The following TULP4 variants were observed in gnomAD, a reference collection of about 807,000 sequenced individuals.
TULP4 encodes the protein TUB like protein 4.
In TULP4, 16 loss-of-function variants were observed where a neutral mutation model predicts 129.0. The ratio of observed to expected loss-of-function variants is 0.12; its 90% CI spans 0.08 to 0.19. The LOEUF is 0.19. Ranked by LOEUF, TULP4 falls within the 10% of genes least tolerant of loss-of-function variation. TULP4 has a pLI of 1.00. For synonymous variants in TULP4, 998 were observed against 854.0 expected, an observed-to-expected ratio of 1.17 and a Z score of -2.94; for missense variants, 1,842 against 2,059.1, an observed-to-expected ratio of 0.89 and a Z score of 2.04.
chr6:158,358,677 T>C (rs1780701588), intron 1 of TULP4, among the ~76,000 whole-genome samples: 1 of 152,228 alleles, frequency 6.6e-6, no homozygotes, highest in African/African-American at 2.4e-5. Flanking sequence ...GAGCTCTTAC[T>C]TGAGGGCCAG....
upstream of TULP4, among the ~76,000 whole-genome samples, chr6:158,281,411 C>T (rs1383748800): frequency 6.6e-6 from 1 of 152,150 alleles, no homozygotes; most frequent in East Asian, 1.9e-4. Flanking sequence ...GATGGGGTTT[C>T]ACTATGTTGG....
chr6:158,318,159 A>G (rs533723705), intron 1 of TULP4, among the ~76,000 whole-genome samples: 116 of 152,102 alleles, frequency 7.6e-4, no homozygotes, highest in African/African-American at 2.5e-3. Context: ...TGTTCCTCAT[A>G]TTAGAATCTG....
chr6:158,295,093 A>G (rs1020729275), intron 1 of TULP4, among the ~76,000 whole-genome samples: 1 of 151,862 alleles, frequency 6.6e-6, no homozygotes, highest in East Asian at 1.9e-4. Context: ...TTTATTGAAA[A>G]TTTTCTACTG....
intron 1 of TULP4, among the ~76,000 whole-genome samples, chr6:158,401,209 G>T (rs1379402058): frequency 1.3e-5 from 2 of 152,126 alleles, no homozygotes; most frequent in Admixed American, 6.5e-5. Flanking sequence ...AAGTAGCTGG[G>T]ATTACAGGCA....
Position 158,413,042 on chromosome 6 carries a change from A to G in TULP4, c.253-23A>G. 2.5e-6 allele frequency: 4 copies of G among 1,596,084 alleles called. No individual in the cohort carries two copies. The highest frequency in any genetic ancestry group is 2.6e-6 in the Non-Finnish European group (3 of 1,169,000). On this transcript the variant is annotated intron_variant, in intron 1 of 13. Coordinates refer to ENST00000367097, the MANE Select transcript of TULP4 (RefSeq NM_020245.5). This position sits in a 1 kb window ranked among gnomAD's most constrained non-coding sequence, Gnocchi z 4.9. ...CCCACAGATTTATTTCCTGTGGTAA[A>G]TGTCTTCTTGGTGGTTTTCTAGGTT...
At chr6:158,304,092 GTATAATATT>G (rs2128477661) in intron 1 of TULP4, among the ~76,000 whole-genome samples, 1 of 152,236 alleles carries the variant, frequency 6.6e-6, no homozygotes, top group East Asian at 1.9e-4. Flanking sequence ...GGGGCCTTGT[GTATAATATT>G]AATAATATTA....
chr6:158,493,839 A>C lies in TULP4; in HGVS notation c.1776+122A>C. On this transcript the variant is annotated intron_variant, in intron 10 of 13. Coordinates refer to ENST00000367097, the MANE Select transcript of TULP4 (RefSeq NM_020245.5). The surrounding 1 kb of genome is among the most constrained non-coding windows in gnomAD (Gnocchi z 4.4). ...CATGGGTCCCTGAGCTCTGCTCCAC[A>C]TCCTGCACACCACCTACTACCTCAG... The C allele has an allele frequency of 9.0e-7, 1 of 1,115,270 alleles. No individual in the cohort carries two copies. Among genetic ancestry groups the C allele is most frequent in the Non-Finnish European group, 1.2e-6 (1 of 820,844 alleles). The allele number at this position is 1,115,270 out of a possible 1,614,324, so 69.1% of individuals were successfully genotyped here.
chr6:158,490,365 G>A (rs1235404319), intron 9 of TULP4, among the ~76,000 whole-genome samples: 1 of 152,194 alleles, frequency 6.6e-6, no homozygotes, highest in Admixed American at 6.5e-5. Flanking sequence ...CTGCACTTCA[G>A]CCTGGCAATA....
intron 1 of TULP4, among the ~76,000 whole-genome samples, chr6:158,359,255 A>G (rs1780712863): frequency 6.6e-6 from 1 of 152,166 alleles, no homozygotes; most frequent in Admixed American, 6.5e-5. Flanking sequence ...AGGAAAAAAA[A>G]ATCGTTCTTT....
At chr6:158,448,593 T>A (rs776332286) in intron 3 of TULP4, among the ~76,000 whole-genome samples, 1 of 152,192 alleles carries the variant, frequency 6.6e-6, no homozygotes, top group Non-Finnish European at 1.5e-5. Flanking sequence ...AGCTTTTTCT[T>A]CTAAATTTGA....
At chr6:158,414,488 A>G (rs1013405263) in intron 2 of TULP4, among the ~76,000 whole-genome samples, 1 of 106,826 alleles carries the variant, frequency 9.4e-6, no homozygotes, top group Non-Finnish European at 2.5e-5. Flanking sequence ...ATCTTATCAC[A>G]GTGCCTGTAG....
intron 6 of TULP4, among the ~76,000 whole-genome samples, chr6:158,479,095 ATAGTCC>A (rs923235991): frequency 6.6e-6 from 1 of 152,146 alleles, no homozygotes; most frequent in African/African-American, 2.4e-5. Flanking sequence ...GGGGTTATGG[ATAGTCC>A]CCAGGTCACA....
chr6:158,249,643 G>A (rs553119202), intron 1 of TULP4, among the ~76,000 whole-genome samples: 1 of 152,182 alleles, frequency 6.6e-6, no homozygotes, highest in South Asian at 2.1e-4. Flanking sequence ...TTCAATGGCT[G>A]TGACAGCCGG....
upstream of TULP4, among the ~76,000 whole-genome samples, chr6:158,308,559 C>T (rs558010963): frequency 1.0e-3 from 159 of 152,120 alleles, no homozygotes; most frequent in African/African-American, 3.6e-3. Context: ...AGGGGCTCTT[C>T]ACTTCCCAGT....
intron 1 of TULP4, among the ~76,000 whole-genome samples, chr6:158,361,771 G>A (rs1031553099): frequency 6.6e-6 from 1 of 152,170 alleles, no homozygotes; most frequent in African/African-American, 2.4e-5. Flanking sequence ...CATCTGAGGA[G>A]CTGGCTGTCT....
At chr6:158,232,487 G>T (rs1777614784) in intron 1 of TULP4, among the ~76,000 whole-genome samples, 1 of 150,976 alleles carries the variant, frequency 6.6e-6, no homozygotes, top group South Asian at 2.1e-4. Context: ...TTGGGAGGGG[G>T]CGGCGCAAGG....
chr6:158,473,440 C>A (rs562899648), intron 6 of TULP4, among the ~76,000 whole-genome samples: 6 of 152,332 alleles, frequency 3.9e-5, no homozygotes, highest in Admixed American at 3.3e-4. Flanking sequence ...GTGGCCAAAT[C>A]ATTATAACTT....
chr6:158,350,830 G>A (rs570801608), intron 1 of TULP4, among the ~76,000 whole-genome samples: 1 of 151,730 alleles, frequency 6.6e-6, no homozygotes, highest in East Asian at 1.9e-4. Flanking sequence ...GTGCAATCTC[G>A]GCTCACTGCA....
chr6:158,233,741 C>T (rs774359838), intron 1 of TULP4, among the ~76,000 whole-genome samples: 1 of 152,168 alleles, frequency 6.6e-6, no homozygotes, highest in Non-Finnish European at 1.5e-5. Flanking sequence ...TGATAGGTAA[C>T]TGGCATGGAA....
Sources: allele counts gnomAD v4.1 joint callset (sites outside exome capture counted in the v4.1 genomes callset), GRCh38; gene constraint gnomAD v4.1.1; non-coding constraint Gnocchi (gnomAD v3.1); transcripts MANE v1.5; gene names NCBI Gene and HGNC (gene_info 2026-07-23, HGNC 2026-07-21).